The following LRRC20 variants were observed in gnomAD, a reference collection of about 807,000 sequenced individuals.
LRRC20 encodes the protein leucine rich repeat containing 20, also known as leucine-rich repeat-containing protein 20.
Under a neutral mutation model 14.4 loss-of-function variants are expected in LRRC20, and 11 were observed. The ratio of observed to expected loss-of-function variants is 0.77; its 90% CI spans 0.48 to 1.27. The LOEUF (loss-of-function observed/expected upper bound fraction) is 1.27, where lower values mean the gene tolerates loss of function less well. Ranked by LOEUF, LRRC20 falls within the 50% of genes most tolerant of loss-of-function variation. The probability of loss-of-function intolerance (pLI) is 0.00; values close to 1 mark genes in which losing one functional copy is unlikely to be tolerated. For missense variants in LRRC20, 219 were observed against 251.2 expected (o/e 0.87, Z 0.87); for synonymous variants, 121 against 107.3 (o/e 1.13, Z -0.79).
chr10:70,333,957 C>T (rs1842628637), intron 3 of LRRC20, among the ~76,000 whole-genome samples: 1 of 152,108 alleles, frequency 6.6e-6, no homozygotes. Context: ...TGAGACCAGC[C>T]TGACCAACAT....
chr10:70,363,120 AAT>A (rs1221458930), intron 2 of LRRC20, among the ~76,000 whole-genome samples: 1,046 of 43,620 alleles, frequency 0.024, 9 homozygotes, highest in Non-Finnish European at 0.04. Context: ...AAAAAAAAAA[AAT>A]TTTAAATTAG....
At chr10:70,345,931 AC>A (rs1589096698) in intron 2 of LRRC20, among the ~76,000 whole-genome samples, 1 of 152,014 alleles carries the variant, frequency 6.6e-6, no homozygotes, top group African/African-American at 2.4e-5. Flanking sequence ...CCAGTTCACA[AC>A]CAACCTGGGC....
intron 4 of LRRC20, among the ~76,000 whole-genome samples, chr10:70,315,480 A>C (rs1841818801): frequency 6.6e-6 from 1 of 152,216 alleles, no homozygotes. Flanking sequence ...GACCTTGTGT[A>C]TCCCAGTTGT....
At chr10:70,335,742 G>A (rs562699773) in intron 3 of LRRC20, among the ~76,000 whole-genome samples, 15 of 152,170 alleles carry the variant, frequency 9.9e-5, no homozygotes, top group South Asian at 8.3e-4. Context: ...CCATCCCTCC[G>A]CTCTGTAACA....
At chr10:70,334,451 T>C (rs1160030311) in intron 3 of LRRC20, among the ~76,000 whole-genome samples, 1 of 152,154 alleles carries the variant, frequency 6.6e-6, no homozygotes, top group Non-Finnish European at 1.5e-5. Flanking sequence ...GGAAATGTAA[T>C]GTGCCCAGGG....
At chr10:70,363,247 G>C (rs889326135) in intron 2 of LRRC20, among the ~76,000 whole-genome samples, 6 of 151,612 alleles carry the variant, frequency 4.0e-5, no homozygotes, top group African/African-American at 1.5e-4. Context: ...AGGGAGGGAA[G>C]GGTGGAGGGG....
chr10:70,328,516 C>T lies in LRRC20; in HGVS notation c.233-4486G>A, dbSNP rs1375117456. Among the ~76,000 whole-genome samples, 4 of 152,132 alleles carry T rather than the reference C, an allele frequency of 2.6e-5. No individual in the cohort carries two copies. In the South Asian group the frequency reaches 6.2e-4, roughly 24 times the overall value. On this transcript the variant is annotated intron_variant, in intron 3 of 4. Coordinates refer to ENST00000446961, the MANE Select transcript of LRRC20 (RefSeq NM_001278212.2). ...TTTGCCATGTTGGCCAGGCTAGTCT[C>T]GAACTCCTGACCACAGGTGATACAC...
rs541500591 is a variant in LRRC20, at chr10:70,370,977, G to A, written c.82+5475C>T. On this transcript the variant is annotated intron_variant, in intron 2 of 4. Transcript: ENST00000446961. ...CAAGGCTGCAGGGAACTATGATTGC[G>A]CCACTGCACTCCAGCCTGGGTGACA... Among the ~76,000 whole-genome samples, 16 of 151,900 alleles carry A rather than the reference G, an allele frequency of 1.1e-4. No individual in the cohort carries two copies. The East Asian group carries it at 2.3e-3, about 22-fold the overall frequency.
chr10:70,325,305 G>A (rs1315832886), intron 3 of LRRC20, among the ~76,000 whole-genome samples: 1 of 152,148 alleles, frequency 6.6e-6, no homozygotes, highest in Non-Finnish European at 1.5e-5. Context: ...CTGGGTCATG[G>A]AGTCTGAGCT....
At chr10:70,357,771 G>GTTTTAATTAAA (rs1406001156) in intron 2 of LRRC20, among the ~76,000 whole-genome samples, 84 of 152,290 alleles carry the variant, frequency 5.5e-4, no homozygotes, top group African/African-American at 1.9e-3. Context: ...AACAATTTGA[G>GTTTTAATTAAA]ACATTAAATT....
In LRRC20 at chr10:70,338,381, C is replaced by T. The variant is rs12252709; in HGVS notation, c.232+2172G>A. On this transcript the variant is annotated intron_variant, in intron 3 of 4. Transcript: ENST00000446961. ...GTCAGCCCTATGAGATAGGCTTGCT[C>T]GGGTCCCTCATGCATCATCAGCATT... 9.0e-3 allele frequency among the ~76,000 whole-genome samples: 1,364 copies of T among 152,280 alleles called. 21 individuals carry two copies. The highest frequency in any genetic ancestry group is 0.031 in the African/African-American group (1,294 of 41,542).
At chr10:70,381,257 T>C (rs567789222) in intron 1 of LRRC20, among the ~76,000 whole-genome samples, 13 of 152,342 alleles carry the variant, frequency 8.5e-5, no homozygotes, top group African/African-American at 2.6e-4. Flanking sequence ...TTGCGAACCA[T>C]TACATGTTTC....
chr10:70,361,046 T>TC (rs1843699348), intron 2 of LRRC20, among the ~76,000 whole-genome samples: 1 of 131,724 alleles, frequency 7.6e-6, no homozygotes. Flanking sequence ...AGACCCCATC[T>TC]CTAAAAAAAA....
intron 3 of LRRC20, among the ~76,000 whole-genome samples, chr10:70,332,914 C>T (rs1842590601): frequency 6.6e-6 from 1 of 152,166 alleles, no homozygotes; most frequent in Non-Finnish European, 1.5e-5. Context: ...CTCAAAATAT[C>T]ACATTGTGTG....
At chr10:70,333,578 G>T (rs980549971) in intron 3 of LRRC20, among the ~76,000 whole-genome samples, 2 of 152,100 alleles carry the variant, frequency 1.3e-5, no homozygotes, top group African/African-American at 4.8e-5. Context: ...AACACTGCTA[G>T]GAAGGGCTGA....
chr10:70,376,381 C>G, intron 2 of LRRC20, 71 bp downstream of exon 2: 1 of 1,489,380 alleles, frequency 6.7e-7, no homozygotes, highest in Non-Finnish European at 9.3e-7. Context: ...TGTCTTTCAT[C>G]TCTGTTTCAT....
chr10:70,326,083 T>C (rs980950737), intron 3 of LRRC20, among the ~76,000 whole-genome samples: 4 of 151,782 alleles, frequency 2.6e-5, no homozygotes, highest in Admixed American at 2.6e-4. Flanking sequence ...AAAGGGAAAA[T>C]CTTCCTATGT....
At chr10:70,366,835 A>G (rs534614740) in intron 2 of LRRC20, among the ~76,000 whole-genome samples, 1 of 152,352 alleles carries the variant, frequency 6.6e-6, no homozygotes, top group East Asian at 1.9e-4. Flanking sequence ...ATGTACTATA[A>G]GTAATCTAGA....
chr10:70,300,308 T>G lies in LRRC20; in HGVS notation c.*1046A>C. 1 of 957,756 alleles carries G rather than the reference T, an allele frequency of 1.0e-6. No individual in the cohort carries two copies. The highest frequency in any genetic ancestry group is 1.2e-6 in the Non-Finnish European group (1 of 804,696). The allele number at this position is 957,756 out of a possible 1,614,324, so 59.3% of individuals were successfully genotyped here. On this transcript the variant is annotated 3_prime_UTR_variant, in exon 5 of 5. Transcript: ENST00000446961. ...CCCAGTTTTAGCATTGAAAGTTCCA[T>G]GTCCTGGGAAACCAGGACAGCTGGT...
Sources: gnomAD v4.1 joint callset for allele counts (sites outside exome capture counted in the v4.1 genomes callset) on GRCh38, gnomAD v4.1.1 for gene constraint, MANE v1.5 for transcripts, NCBI Gene and HGNC (gene_info 2026-07-23, HGNC 2026-07-21) for gene names.